HDAC9: variants seen among roughly 807,000 people sequenced by gnomAD.
HDAC9 encodes MEF-2 interacting transcription repressor (MITR) protein.
Under a neutral mutation model 139.4 loss-of-function variants are expected in HDAC9, and 41 were observed. The ratio of observed to expected loss-of-function variants is 0.29; its 90% confidence interval spans 0.23 to 0.38. The LOEUF is 0.38. Ranked by LOEUF, HDAC9 falls within the 10% of genes least tolerant of loss-of-function variation. The probability of loss-of-function intolerance (pLI) is 1.00; values close to 1 mark genes in which losing one functional copy is unlikely to be tolerated. For missense variants in HDAC9, 1,147 were observed against 1,297.0 expected (o/e 0.88, Z 1.78); for synonymous variants, 517 against 476.2 (o/e 1.09, Z -1.12).
chr7:18,634,683 C>A lies in HDAC9; in HGVS notation c.853C>A (p.Pro285Thr), dbSNP rs367567016. 5.0e-6 allele frequency: 8 copies of A among 1,598,502 alleles called. No individual in the cohort carries two copies. Among genetic ancestry groups the A allele is most frequent in the Admixed American group, 1.7e-5 (1 of 58,406 alleles). Residue 285 changes from proline (P) to threonine (T), a missense_variant, in exon 8 of 26, where the codon CCA (proline) becomes ACA (threonine). This residue lies in a region of HDAC9 where 264 missense variants were observed against 273.8 expected (regional missense o/e 0.96). Coordinates refer to ENST00000686413, the MANE Select transcript of HDAC9 (RefSeq NM_178425.4). Reference sequence around the variant, plus strand: ...TGGTCCCAGTTCACCAAACAATGGGCCAACTGGAAGTGTTACTGAAAATGA... The same window carrying A: ...TGGTCCCAGTTCACCAAACAATGGGACAACTGGAAGTGTTACTGAAAATGA... ...GSGPSSPNNG[P>T]TGSVTENETS...
chr7:18,545,664 A>G (rs1177249618), intron 2 of HDAC9, among the ~76,000 whole-genome samples: 3 of 152,182 alleles, frequency 2.0e-5, no homozygotes, highest in Non-Finnish European at 4.4e-5. Flanking sequence ...TGCCTGCTAC[A>G]AGTGTGAGGT....
At chr7:18,906,739 C>G (rs1802295262) in intron 22 of HDAC9, among the ~76,000 whole-genome samples, 1 of 152,194 alleles carries the variant, frequency 6.6e-6, no homozygotes, top group Admixed American at 6.5e-5. Context: ...CCTGAGCAGT[C>G]TTGTTTAAAA....
intron 2 of HDAC9, among the ~76,000 whole-genome samples, chr7:18,525,520 A>C (rs1049496901): frequency 6.6e-6 from 1 of 152,140 alleles, no homozygotes; most frequent in Non-Finnish European, 1.5e-5. Flanking sequence ...AATAATTCCT[A>C]TGGATGTTAA....
At chr7:18,163,766 A>C (rs1004304521) in intron 2 of HDAC9, among the ~76,000 whole-genome samples, 3 of 152,196 alleles carry the variant, frequency 2.0e-5, no homozygotes, top group African/African-American at 7.2e-5. Flanking sequence ...TTTAAATATT[A>C]TGTATATTTA....
At chr7:18,550,012 A>C (rs768672762) in intron 2 of HDAC9, among the ~76,000 whole-genome samples, 39 of 151,230 alleles carry the variant, frequency 2.6e-4, no homozygotes, top group Admixed American at 1.3e-4. Context: ...TTTTTTGGAA[A>C]GGCATTCTTT....
In HDAC9 at chr7:18,669,925, A is replaced by G. The variant is rs112284816; in HGVS notation, c.1731+3449A>G. Among the ~76,000 whole-genome samples the G allele has an allele frequency of 3.3e-5, 5 of 152,022 alleles. 1 individual carries two copies. Among genetic ancestry groups the G allele is most frequent in the African/African-American group, 1.2e-4 (5 of 41,554 alleles). ...TACTTTTCATAGATCTGAGAAAGATAGTCTTCTAGAAATTGTTATATATTG... is the reference window on the plus strand; with the variant it reads ...TACTTTTCATAGATCTGAGAAAGATGGTCTTCTAGAAATTGTTATATATTG... On this transcript the variant is annotated intron_variant, in intron 12 of 25. Coordinates refer to ENST00000686413, the MANE Select transcript of HDAC9 (RefSeq NM_178425.4).
At chr7:18,629,279 T>TA in intron 6 of HDAC9, 71 bp from the exon 7 acceptor site, 4 of 1,330,442 alleles carry the variant, frequency 3.0e-6, no homozygotes, top group Non-Finnish European at 4.0e-6. Flanking sequence ...TTTTTTTTTT[T>TA]AACACATGAG....
chr7:18,329,314 G>A (rs555739177), intron 1 of HDAC9, among the ~76,000 whole-genome samples: 16 of 151,524 alleles, frequency 1.1e-4, no homozygotes, highest in African/African-American at 2.2e-4. Context: ...GATTTTTAAC[G>A]TTCTCACCAC....
At chr7:18,341,002 T>C (rs1438039905) in intron 1 of HDAC9, among the ~76,000 whole-genome samples, 1 of 151,602 alleles carries the variant, frequency 6.6e-6, no homozygotes, top group Non-Finnish European at 1.5e-5. Context: ...AAGTTGACTT[T>C]TTTTTTTCTT....
At chr7:18,876,424 A>G (rs1004593297) in intron 22 of HDAC9, among the ~76,000 whole-genome samples, 1 of 152,144 alleles carries the variant, frequency 6.6e-6, no homozygotes, top group Admixed American at 6.6e-5. Context: ...TCAAGCAGAC[A>G]TATTTTAAGT....
intron 17 of HDAC9, among the ~76,000 whole-genome samples, chr7:18,825,474 A>G (rs994054742): frequency 2.6e-5 from 4 of 152,128 alleles, no homozygotes; most frequent in Admixed American, 2.0e-4. Context: ...AGAGGAAAAA[A>G]AAATGACCTT....
intron 1 of HDAC9, among the ~76,000 whole-genome samples, chr7:18,095,052 A>T (rs545901595): frequency 6.6e-6 from 1 of 152,114 alleles, no homozygotes. Flanking sequence ...GCCTCTTGCA[A>T]TGGAAAGAGA....
chr7:18,837,624 C>T (rs1796322307), intron 21 of HDAC9, among the ~76,000 whole-genome samples: 1 of 151,934 alleles, frequency 6.6e-6, no homozygotes, highest in Non-Finnish European at 1.5e-5. Flanking sequence ...TTTAAATTAT[C>T]GTAATTCCAT....
intron 2 of HDAC9, among the ~76,000 whole-genome samples, chr7:18,497,445 T>G (rs931237974): frequency 6.6e-6 from 1 of 152,180 alleles, no homozygotes; most frequent in Admixed American, 6.5e-5. Context: ...TAGTTTTCTT[T>G]AAACCTTGGT....
rs1786464079 is a variant in HDAC9 at position 18,996,368 on chromosome 7, G to GAAAC, written c.*308_*311dup. 4 of 304,694 alleles carry GAAAC rather than the reference G, an allele frequency of 1.3e-5. No homozygotes were observed. The highest frequency in any genetic ancestry group is 4.3e-5 in the African/African-American group (2 of 46,626). 18.9% of individuals were successfully genotyped at this position (304,694 alleles called of 1,614,324 possible). On this transcript the variant is annotated 3_prime_UTR_variant, in exon 26 of 26. Coordinates refer to ENST00000686413, the MANE Select transcript of HDAC9 (RefSeq NM_178425.4). ...ACTCCTAGACACCAAGTTTGAACTA[G>GAAAC]AAACATTCAGTACAGCACTAGATAT...
At chr7:18,642,663 C>G (rs76175362) in intron 8 of HDAC9, among the ~76,000 whole-genome samples, 4,203 of 152,166 alleles carry the variant, frequency 0.028, 108 homozygotes, top group African/African-American at 0.069. Context: ...TTATAGGAAA[C>G]TACAAAGATC....
At chr7:18,349,162 C>T (rs1256593215) in intron 1 of HDAC9, among the ~76,000 whole-genome samples, 3 of 152,096 alleles carry the variant, frequency 2.0e-5, no homozygotes, top group African/African-American at 7.2e-5. Context: ...CTACAAAGCA[C>T]TGCACCGTAT....
At chr7:18,115,639 A>T (rs1441069464) in intron 1 of HDAC9, among the ~76,000 whole-genome samples, 1 of 152,230 alleles carries the variant, frequency 6.6e-6, no homozygotes, top group Non-Finnish European at 1.5e-5. Context: ...TTATTTGACC[A>T]GTGTTTCAGT....
rs150064596 is a variant in HDAC9 at position 18,854,574 on chromosome 7, G to T, written c.2684+18577G>T. 3.1e-3 allele frequency among the ~76,000 whole-genome samples: 469 copies of T among 151,928 alleles called. 2 individuals carry two copies. The highest frequency in any genetic ancestry group is 4.6e-3 in the Non-Finnish European group (314 of 67,934). ...AATCAGAAGAAGAGTCAATAGGAGG[G>T]TAGAGAAAATATAGAAATGGCTGTA... is the stretch of plus-strand genomic sequence containing the variant. On this transcript the variant is annotated intron_variant, in intron 21 of 25. Coordinates refer to ENST00000686413, the MANE Select transcript of HDAC9 (RefSeq NM_178425.4).
Sources: allele counts gnomAD v4.1 joint callset (sites outside exome capture counted in the v4.1 genomes callset), GRCh38; gene constraint gnomAD v4.1.1; regional missense constraint gnomAD v4.1.1; transcripts MANE v1.5; gene names NCBI Gene and HGNC (gene_info 2026-07-23, HGNC 2026-07-21).